The following SOCS2 variants were observed in gnomAD, a reference collection of about 807,000 sequenced individuals.
SOCS2 encodes suppressor of cytokine signaling 2, also known as CIS-2.
A neutral mutation model predicts 18.6 loss-of-function variants in SOCS2; 10 were observed. That is an observed-to-expected ratio of 0.54 (90% CI 0.33 to 0.91). The LOEUF is 0.91. Among genes scored for constraint, SOCS2 ranks in the 40% least tolerant of loss-of-function variants. The pLI is 0.02. For synonymous variants in SOCS2, 104 were observed against 104.0 expected (o/e 1.00, Z 0.00); for missense variants, 231 against 247.2 (o/e 0.93, Z 0.44).
chr12:93,606,025 T>C, the SOCS2 span, among the ~76,000 whole-genome samples: 2 of 152,372 alleles, frequency 1.3e-5, no homozygotes, highest in Admixed American at 1.3e-4. Flanking sequence ...CCATGACTGA[T>C]ATGATGGTTC....
the SOCS2 span, among the ~76,000 whole-genome samples, chr12:93,590,448 C>A: frequency 6.6e-6 from 1 of 151,904 alleles, no homozygotes; most frequent in Admixed American, 6.6e-5. Flanking sequence ...ACTGTTCTAA[C>A]AAGAACAGTT....
chr12:93,614,404 T>TCTTC, the SOCS2 span, among the ~76,000 whole-genome samples: 1 of 139,060 alleles, frequency 7.2e-6, no homozygotes, highest in African/African-American at 2.8e-5. Flanking sequence ...TTTCTTTCTT[T>TCTTC]CTTTCTTTCT....
rs995607426 is a variant in SOCS2 at position 93,573,005 on chromosome 12, G to A, written c.108G>A (p.Leu36=). 3.2e-6 allele frequency: 5 copies of A among 1,570,304 alleles called. No individual in the cohort carries two copies. In the African/African-American group the frequency reaches 6.7e-5, roughly 21 times the overall value. ...AGCCATCCCCGCAGGCGGCGCGTCT[G>A]GCGAAGGCCCTGCGGGAGCTCGGTC... The part of the protein sequence containing the change: ...AEEPSPQAAR[L]AKALRELGQT... Residue 36 remains leucine, a synonymous_variant, in exon 1 of 2, where the codon CTG becomes CTA. Transcript: ENST00000551556.
the SOCS2 span, among the ~76,000 whole-genome samples, chr12:93,601,348 C>A: frequency 6.6e-6 from 1 of 151,752 alleles, no homozygotes; most frequent in Non-Finnish European, 1.5e-5. Flanking sequence ...GGTCTCGGCT[C>A]ACTGCAACCT....
chr12:93,589,909 C>G, the SOCS2 span, among the ~76,000 whole-genome samples: 5 of 152,222 alleles, frequency 3.3e-5, no homozygotes, highest in Admixed American at 3.3e-4. Context: ...GTTAACAGCA[C>G]TTCCATTAGT....
At chr12:93,591,939 G>A in the SOCS2 span, among the ~76,000 whole-genome samples, 1 of 152,180 alleles carries the variant, frequency 6.6e-6, no homozygotes, top group Admixed American at 6.5e-5. Context: ...TCCCAGATAA[G>A]AGCATCCCTT....
At chr12:93,614,158 G>T in the SOCS2 span, among the ~76,000 whole-genome samples, 3 of 151,854 alleles carry the variant, frequency 2.0e-5, no homozygotes, top group South Asian at 2.1e-4. Context: ...CAGGGTTTTG[G>T]GTTGATCAAG....
At chr12:93,587,962 C>T (rs1391324602), downstream of SOCS2, among the ~76,000 whole-genome samples, 1 of 152,198 alleles carries the variant, frequency 6.6e-6, no homozygotes, top group African/African-American at 2.4e-5. Context: ...AGAGTGACCG[C>T]ATCAGATTTG....
At chr12:93,614,484 C>CTTCCTTTCTTTCTTTCTTTCTTTCT in the SOCS2 span, among the ~76,000 whole-genome samples, 1 of 23,792 alleles carries the variant, frequency 4.2e-5, no homozygotes, top group African/African-American at 2.5e-4. Flanking sequence ...CCTTCCTTTC[C>CTTCCTTTCTTTCTTTCTTTCTTTCT]TTCCTTCCTT....
chr12:93,606,031 G>C, the SOCS2 span, among the ~76,000 whole-genome samples: 2 of 152,200 alleles, frequency 1.3e-5, no homozygotes, highest in Non-Finnish European at 2.9e-5. Context: ...CTGATATGAT[G>C]GTTCCACGTG....
chr12:93,595,860 G>T, the SOCS2 span, among the ~76,000 whole-genome samples: 7 of 151,466 alleles, frequency 4.6e-5, no homozygotes, highest in Non-Finnish European at 7.4e-5. Flanking sequence ...TTCTTTTCTG[G>T]TCTTTTTGTT....
chr12:93,616,857 T>C, the SOCS2 span, among the ~76,000 whole-genome samples: 1 of 152,220 alleles, frequency 6.6e-6, no homozygotes, highest in Non-Finnish European at 1.5e-5. Context: ...GACTAGAAGC[T>C]GATTCAGCTG....
the SOCS2 span, among the ~76,000 whole-genome samples, chr12:93,625,279 A>G: frequency 3.3e-5 from 5 of 152,164 alleles, no homozygotes; most frequent in Non-Finnish European, 5.9e-5. Context: ...TAAAATGCTA[A>G]AAAAAGTTTC....
chr12:93,585,689 T>G (rs1387751396), downstream of SOCS2, among the ~76,000 whole-genome samples: 1 of 152,188 alleles, frequency 6.6e-6, no homozygotes, highest in Non-Finnish European at 1.5e-5. Flanking sequence ...TTCCAAAAGT[T>G]TTTCAGGTAC....
downstream of SOCS2, among the ~76,000 whole-genome samples, chr12:93,586,752 T>C (rs1954586919): frequency 2.1e-5 from 3 of 141,238 alleles, no homozygotes; most frequent in South Asian, 4.2e-4. Flanking sequence ...TCTGTCTTTA[T>C]ATTTATTTCC....
chr12:93,624,491 G>A, the SOCS2 span, among the ~76,000 whole-genome samples: 179 of 151,902 alleles, frequency 1.2e-3, no homozygotes, highest in Admixed American at 2.0e-3. Context: ...AGAATCACTT[G>A]AATCCGGGAG....
In SOCS2 at chr12:93,576,203, A is replaced by G. The variant is rs1161714683; in HGVS notation, c.*1024A>G. On this transcript the variant is annotated 3_prime_UTR_variant, in exon 2 of 2. Coordinates refer to ENST00000551556, the MANE Select transcript of SOCS2 (RefSeq NM_001270471.2). ...ATTAAATAAAAAAAACCTGATTTCT[A>G]CAAGTTGCACTTATTGAGTTCTAGA... is the stretch of plus-strand genomic sequence containing the variant. 1 of 152,682 alleles carries G rather than the reference A, an allele frequency of 6.5e-6. No individual in the cohort carries two copies. Among genetic ancestry groups the G allele is most frequent in the Non-Finnish European group, 1.5e-5 (1 of 68,050 alleles). 9.5% of individuals were successfully genotyped at this position (152,682 alleles called of 1,614,324 possible). A position where few individuals can be genotyped will look rare whatever the true frequency, so the allele number is the denominator to read the frequency against.
the SOCS2 span, among the ~76,000 whole-genome samples, chr12:93,589,778 C>T: frequency 0.32 from 48,521 of 152,106 alleles, 8,312 homozygotes; most frequent in African/African-American, 0.46. Context: ...GCACTTTTTC[C>T]AGGAGAAACA....
At chr12:93,572,241 G>A (rs1954283599), upstream of SOCS2, 3 of 175,378 alleles carry the variant, frequency 1.7e-5, no homozygotes, top group South Asian at 3.8e-4. This position sits in a 1 kb window ranked among gnomAD's most constrained non-coding sequence, Gnocchi z 5.0. Context: ...GTTTGTGTGG[G>A]TGCTTCTTCC....
Sources: allele counts gnomAD v4.1 joint callset (sites outside exome capture counted in the v4.1 genomes callset), GRCh38; gene constraint gnomAD v4.1.1; non-coding constraint Gnocchi (gnomAD v3.1); transcripts MANE v1.5; gene names NCBI Gene and HGNC (gene_info 2026-07-23, HGNC 2026-07-21).